TICRR: variants seen among roughly 807,000 people sequenced by gnomAD.
The protein encoded by TICRR is TOPBP1 interacting checkpoint and replication regulator.
A neutral mutation model predicts 178.1 loss-of-function variants in TICRR; 132 were observed. That is an observed-to-expected ratio of 0.74 (90% CI 0.64 to 0.86). The LOEUF is 0.86. Ranked by LOEUF, TICRR falls within the 40% of genes least tolerant of loss-of-function variation. The pLI is 0.00. For missense variants in TICRR, 2,587 were observed against 2,334.3 expected (o/e 1.11, Z -2.23); for synonymous variants, 991 against 900.7 (o/e 1.10, Z -1.79).
At chr15:89,588,783 C>G (rs1452896042) in intron 4 of TICRR, among the ~76,000 whole-genome samples, 1 of 152,140 alleles carries the variant, frequency 6.6e-6, no homozygotes. Flanking sequence ...ACTGGAGAGA[C>G]TGACGGTGGT....
chr15:89,618,066 CTTG>C (rs1963364092), intron 16 of TICRR, 83 bp from the exon 17 acceptor site: 9 of 1,336,718 alleles, frequency 6.7e-6, no homozygotes, highest in Admixed American at 1.7e-5. Context: ...TCTTTGTGAT[CTTG>C]TTAAGTGAGA....
At chr15:89,580,977 A>G (rs1243966734) in intron 1 of TICRR, among the ~76,000 whole-genome samples, 6 of 152,236 alleles carry the variant, frequency 3.9e-5, no homozygotes, top group Non-Finnish European at 8.8e-5. Context: ...TTAAGGCTGC[A>G]GTGAGCCATG....
intron 4 of TICRR, among the ~76,000 whole-genome samples, chr15:89,590,768 T>A (rs765264): frequency 6.6e-6 from 1 of 152,166 alleles, no homozygotes; most frequent in Non-Finnish European, 1.5e-5. Flanking sequence ...TTTCGAAGTA[T>A]GCATTGTATT....
In TICRR at chr15:89,585,920, G is replaced by T. The variant is rs774984664; in HGVS notation, c.1389G>T (p.Ser463=). 2 of 1,613,682 alleles carry T rather than the reference G, an allele frequency of 1.2e-6. No homozygotes were observed. Among genetic ancestry groups the T allele is most frequent in the Non-Finnish European group, 1.7e-6 (2 of 1,179,778 alleles). Residue 463 remains serine (S), a synonymous_variant, in exon 4 of 22, where the codon TCG becomes TCT. Coordinates refer to ENST00000268138, the MANE Select transcript of TICRR (RefSeq NM_152259.4). Reference sequence around the variant, plus strand: ...GTATATTGAATCAGACTCATGATTCGCTTGCAGATACTGCTTCTGCTGGTA... The same window carrying T: ...GTATATTGAATCAGACTCATGATTCTCTTGCAGATACTGCTTCTGCTGGTA... ...VDSILNQTHD[S]LADTASAASP... is the part of the protein sequence containing the mutation.
intron 17 of TICRR, among the ~76,000 whole-genome samples, chr15:89,618,540 A>G (rs797016353): frequency 5.3e-5 from 8 of 152,350 alleles, no homozygotes; most frequent in African/African-American, 1.9e-4. Flanking sequence ...GAAGGCAGGG[A>G]AATTTTTTAT....
rs765703319 is a variant in TICRR at position 89,575,787 on chromosome 15, G to A, written c.201G>A (p.Glu67=). 2.5e-6 allele frequency: 4 copies of A among 1,607,834 alleles called. No individual in the cohort carries two copies. The Admixed American group carries it at 5.0e-5, about 20-fold the overall frequency. The change falls in exon 1 of 22, where the codon GAG becomes GAA. Residue 67 remains glutamate, a synonymous_variant. Coordinates refer to ENST00000268138, the MANE Select transcript of TICRR (RefSeq NM_152259.4). ...CGTCCCGCGTGTCTGACTTCCGCGA[G>A]CTGGGGTCCCGCTCGTGGGAGGACT... ...SRPSRVSDFR[E]LGSRSWEDFE... is the part of the protein sequence containing the mutation.
chr15:89,625,911 C>A, intron 20 of TICRR, 25 bp from the exon 21 acceptor site: 1 of 1,549,166 alleles, frequency 6.5e-7, no homozygotes, highest in South Asian at 1.3e-5. Context: ...GGGGACGCTG[C>A]TCTTACTATG....
At chr15:89,592,544 G>A (rs1324357015) in intron 5 of TICRR, among the ~76,000 whole-genome samples, 1 of 152,082 alleles carries the variant, frequency 6.6e-6, no homozygotes, top group Non-Finnish European at 1.5e-5. Flanking sequence ...TTTGCAGACC[G>A]TTTTTGTAAG....
rs1394780799 is a variant in TICRR at position 89,626,047 on chromosome 15, G to A, written c.5588G>A (p.Ser1863Asn). 6.2e-7 allele frequency: 1 copy of A among 1,613,932 alleles called. No individual in the cohort carries two copies. The change falls in exon 21 of 22, where the codon AGC (serine) becomes AAC (asparagine). Residue 1863 changes from serine (S) to asparagine (N), a missense_variant. By Grantham distance (46) the Ser-to-Asn change is conservative. Transcript: ENST00000268138. ...CAGGGGAAAACACCTTCCTCTCAGA[G>A]CAAAGACCCCAGAGGTAATGTTTGT... is the stretch of plus-strand genomic sequence containing the variant. ...LFQGKTPSSQ[S>N]KDPRDEDVDV...
chr15:89,625,134 C>T lies in TICRR; in HGVS notation c.4824C>T (p.Pro1608=). ...GCTTCCTCCCTGCTCTCAGCATGCC[C>T]AGGGCCAGCAGGTCCTTAAGCAAAC... is the stretch of plus-strand genomic sequence containing the variant. The part of the protein sequence containing the change: ...EESFLPALSM[P]RASRSLSKPE... The change falls in exon 20 of 22, where the codon CCC becomes CCT. Residue 1608 remains proline (P), a synonymous_variant. Coordinates refer to ENST00000268138, the MANE Select transcript of TICRR (RefSeq NM_152259.4). The T allele has an allele frequency of 1.1e-5, 18 of 1,613,902 alleles. No homozygotes were observed. The highest frequency in any genetic ancestry group is 1.4e-5 in the Non-Finnish European group (17 of 1,179,986).
At position 89,624,607 on chromosome 15, in the gene TICRR, TCTC is replaced by T. The variant is rs533002408; in HGVS notation, c.4303_4305del (p.Pro1435del). The T allele has an allele frequency of 1.3e-3, 2,068 of 1,613,922 alleles. 8 individuals are homozygous for T. Among genetic ancestry groups the T allele is most frequent in the Non-Finnish European group, 1.0e-3 (1,239 of 1,180,026 alleles). On this transcript the variant is annotated inframe_deletion, in exon 20 of 22. Transcript: ENST00000268138. ...GAAGGGACTGAGCCTCTCTCCTCAG[TCTC>T]CTCCTGAAAGACGGGGCTACCCAGG...
Position 89,582,754 on chromosome 15 carries a change from T to G in TICRR, c.723T>G (p.Thr241=). 2 of 1,614,160 alleles carry G rather than the reference T, an allele frequency of 1.2e-6. No homozygotes were observed. The highest frequency in any genetic ancestry group is 1.7e-6 in the Non-Finnish European group (2 of 1,179,974). Residue 241 remains threonine, a synonymous_variant, in exon 2 of 22, where the codon ACT becomes ACG. Transcript: ENST00000268138. The part of the protein sequence containing the change: ...VCELLHHGGG[T]VLPSESFSWD... ...AACTGCTCCACCACGGAGGTGGCAC[T>G]GTCTTGCCATCTGAATCTTTCAGCT...
intron 2 of TICRR, 68 bp from the exon 3 acceptor site, chr15:89,584,218 T>C: frequency 7.1e-7 from 1 of 1,417,976 alleles, no homozygotes; most frequent in Non-Finnish European, 9.5e-7. Context: ...CTATTCCTTA[T>C]ATTGGAATTT....
intron 18 of TICRR, 88 bp downstream of exon 18, chr15:89,619,930 T>C (rs907993420): frequency 4.0e-5 from 59 of 1,488,470 alleles, no homozygotes; most frequent in Middle Eastern, 1.8e-4. Flanking sequence ...TTTGACATTT[T>C]CTTTCTTGAC....
chr15:89,602,040 A>C, intron 12 of TICRR, 64 bp downstream of exon 12: 1 of 1,584,178 alleles, frequency 6.3e-7, no homozygotes, highest in South Asian at 1.1e-5. Context: ...AGATGTGTTT[A>C]AACTACAGTC....
rs753009926 is a variant in TICRR, at chr15:89,575,706, G to A, written c.120G>A (p.Leu40=). 7 of 1,607,934 alleles carry A rather than the reference G, an allele frequency of 4.4e-6. No individual in the cohort carries two copies. The highest frequency in any genetic ancestry group is 1.7e-5 in the Admixed American group (1 of 59,638). ...CCTATCTGAGTTGCCGATTCGGCCTGGCCAGGGTCCACTGGGCCTTCAAGT... is the reference window on the plus strand; with the variant it reads ...CCTATCTGAGTTGCCGATTCGGCCTAGCCAGGGTCCACTGGGCCTTCAAGT... ...LLTYLSCRFG[L]ARVHWAFKFF... The change falls in exon 1 of 22, where the codon CTG becomes CTA. Residue 40 remains leucine, a synonymous_variant. Transcript: ENST00000268138.
chr15:89,611,857 A>AT (rs1170723386), intron 15 of TICRR, among the ~76,000 whole-genome samples: 15 of 151,954 alleles, frequency 9.9e-5, no homozygotes, highest in Non-Finnish European at 1.8e-4. Context: ...TTTTGTTCAT[A>AT]TATTATTTTC....
chr15:89,598,258 C>T (rs991654462), intron 7 of TICRR, among the ~76,000 whole-genome samples: 9 of 152,056 alleles, frequency 5.9e-5, no homozygotes, highest in Non-Finnish European at 1.3e-4. Context: ...CAGGCGTGAG[C>T]CACCACACCC....
At position 89,627,276 on chromosome 15, in the gene TICRR, G is replaced by C. The variant is rs878886958; in HGVS notation, c.*190G>C. 2.8e-5 allele frequency: 19 copies of C among 669,306 alleles called. 1 individual carries two copies. In the South Asian group the frequency reaches 3.3e-4, roughly 12 times the overall value. The allele number at this position is 669,306 out of a possible 1,614,324, so 41.5% of individuals were successfully genotyped here. On this transcript the variant is annotated 3_prime_UTR_variant, in exon 22 of 22. Transcript: ENST00000268138. ...CCTGGCCCTGCCCCTTGTTGGGGAA[G>C]TTGCAGGAGGAGAGGTGGATGGCAA...
Sources: allele counts gnomAD v4.1 joint callset (sites outside exome capture counted in the v4.1 genomes callset), GRCh38; gene constraint gnomAD v4.1.1; transcripts MANE v1.5; gene names NCBI Gene and HGNC (gene_info 2026-07-23, HGNC 2026-07-21).